CAMK1D: variants seen among roughly 807,000 people sequenced by gnomAD.
CAMK1D encodes calcium/calmodulin dependent protein kinase ID, also known as calcium/calmodulin-dependent protein kinase type 1D.
Under a neutral mutation model 47.7 loss-of-function variants are expected in CAMK1D, and 9 were observed. The observed-to-expected ratio is 0.19, with a 90% CI of 0.11 to 0.33. CAMK1D has a LOEUF of 0.33. Among genes scored for constraint, CAMK1D ranks in the 10% least tolerant of loss-of-function variants. The pLI is 1.00. For missense variants in CAMK1D, 291 were observed against 488.7 expected (o/e 0.60, Z 3.81); for synonymous variants, 184 against 184.9 (o/e 0.99, Z 0.04).
chr10:12,648,949 C>A (rs559423696), intron 2 of CAMK1D, among the ~76,000 whole-genome samples: 1 of 152,288 alleles, frequency 6.6e-6, no homozygotes, highest in East Asian at 1.9e-4. Flanking sequence ...GCAGTCATAA[C>A]CTTGACCTCC....
At chr10:12,523,530 G>C (rs1835512010) in intron 1 of CAMK1D, among the ~76,000 whole-genome samples, 1 of 151,914 alleles carries the variant, frequency 6.6e-6, no homozygotes, top group South Asian at 2.1e-4. Context: ...ATCACTCGCA[G>C]TTAGGAGCTG....
At chr10:12,472,857 G>A (rs1833789294) in intron 1 of CAMK1D, among the ~76,000 whole-genome samples, 1 of 152,128 alleles carries the variant, frequency 6.6e-6, no homozygotes, top group Admixed American at 6.6e-5. Context: ...TTTTCTATAT[G>A]CAGGGCCCTT....
At chr10:12,694,116 TTATGCATAA>T (rs1833089266) in intron 3 of CAMK1D, among the ~76,000 whole-genome samples, 3 of 28,210 alleles carry the variant, frequency 1.1e-4, no homozygotes, top group Non-Finnish European at 1.9e-4. Flanking sequence ...ATAATATATA[TTATGCATAA>T]TATATATTAT....
rs186441902 is a variant in CAMK1D, at chr10:12,380,736, G to A, written c.92+30826G>A. ...CCAGGCATGGGGTCACGTGCCTGTA[G>A]TCCCAGCTACTCATCAGGCTGAGGC... On this transcript the variant is annotated intron_variant, in intron 1 of 10. Transcript: ENST00000619168. Among the ~76,000 whole-genome samples, 24 of 152,214 alleles carry A rather than the reference G, an allele frequency of 1.6e-4. 1 individual carries two copies. Among genetic ancestry groups the A allele is most frequent in the East Asian group, 1.4e-3 (7 of 5,178 alleles).
chr10:12,602,103 C>T (rs777694877), intron 2 of CAMK1D, among the ~76,000 whole-genome samples: 7 of 152,300 alleles, frequency 4.6e-5, no homozygotes, highest in Admixed American at 6.5e-5. Context: ...TCATACTCCC[C>T]GAAGAACTAT....
intron 1 of CAMK1D, among the ~76,000 whole-genome samples, chr10:12,471,909 C>T (rs984177352): frequency 1.3e-5 from 2 of 151,798 alleles, no homozygotes; most frequent in African/African-American, 4.8e-5. Flanking sequence ...GTGGTGCGTA[C>T]CTGTTGTCCC....
At chr10:12,763,965 C>G (rs1456969498) in intron 4 of CAMK1D, among the ~76,000 whole-genome samples, 1 of 152,204 alleles carries the variant, frequency 6.6e-6, no homozygotes, top group African/African-American at 2.4e-5. Flanking sequence ...CCCCACAGCC[C>G]TCCTGTTGGG....
At chr10:12,702,042 G>C (rs1833539202) in intron 3 of CAMK1D, among the ~76,000 whole-genome samples, 1 of 152,218 alleles carries the variant, frequency 6.6e-6, no homozygotes, top group African/African-American at 2.4e-5. Flanking sequence ...ACATTCCTTG[G>C]CCAGAGCTCA....
intron 2 of CAMK1D, among the ~76,000 whole-genome samples, chr10:12,607,896 G>A (rs1447674687): frequency 6.6e-6 from 1 of 152,170 alleles, no homozygotes; most frequent in East Asian, 1.9e-4. Flanking sequence ...GGGAGGGGGA[G>A]GCTGCAGTGA....
At chr10:12,596,811 C>T (rs542526381) in intron 2 of CAMK1D, among the ~76,000 whole-genome samples, 1 of 152,112 alleles carries the variant, frequency 6.6e-6, no homozygotes, top group African/African-American at 2.4e-5. Context: ...CCTCCAGTCC[C>T]CCTTTCCCAC....
In CAMK1D at chr10:12,819,834, G is replaced by A. The variant is rs78550010; in HGVS notation, c.833+3506G>A. Among the ~76,000 whole-genome samples, 86 of 152,274 alleles carry A rather than the reference G, an allele frequency of 5.6e-4. No homozygotes were observed. The East Asian group carries it at 6.0e-3, about 11-fold the overall frequency. On this transcript the variant is annotated intron_variant, in intron 8 of 10. Transcript: ENST00000619168. Reference sequence around the variant, plus strand: ...AGAGGAGGGTGACAGTGGCCTGCGCGGGGCAGCGTGGCAGGGATGGAGTGG... The same window carrying A: ...AGAGGAGGGTGACAGTGGCCTGCGCAGGGCAGCGTGGCAGGGATGGAGTGG...
In CAMK1D at chr10:12,691,774, A is replaced by G. The variant is rs542199590; in HGVS notation, c.299+24964A>G. Among the ~76,000 whole-genome samples, 66 of 152,182 alleles carry G rather than the reference A, an allele frequency of 4.3e-4. 1 individual carries two copies. Among genetic ancestry groups the G allele is most frequent in the African/African-American group, 1.6e-3 (66 of 41,510 alleles). ...TCCTCTATATTTTAATATGCAGTAT[A>G]TGTGGTGCATCCCCTCTGTGAATAA... On this transcript the variant is annotated intron_variant, in intron 3 of 10. Transcript: ENST00000619168.
At chr10:12,404,003 G>A (rs1839323055) in intron 1 of CAMK1D, among the ~76,000 whole-genome samples, 4 of 150,140 alleles carry the variant, frequency 2.7e-5, no homozygotes, top group Admixed American at 2.0e-4. Context: ...AAAGAAAAAA[G>A]ATAAAAGAGA....
At chr10:12,608,157 G>A (rs1429020858) in intron 2 of CAMK1D, among the ~76,000 whole-genome samples, 2 of 151,520 alleles carry the variant, frequency 1.3e-5, no homozygotes, top group African/African-American at 2.4e-5. Flanking sequence ...GGTGGCTCGC[G>A]CCTGTAATCC....
intron 1 of CAMK1D, among the ~76,000 whole-genome samples, chr10:12,374,520 C>T (rs145545703): frequency 7.9e-5 from 12 of 152,340 alleles, no homozygotes; most frequent in African/African-American, 2.2e-4. Context: ...AGGGCCAACT[C>T]AAATCTGATC....
chr10:12,818,200 G>C (rs1443679862), intron 8 of CAMK1D, among the ~76,000 whole-genome samples: 2 of 152,162 alleles, frequency 1.3e-5, no homozygotes, highest in African/African-American at 4.8e-5. Flanking sequence ...GCCTTCTAAA[G>C]GGGACCTGCT....
chr10:12,367,128 A>C (rs1329934207), intron 1 of CAMK1D, among the ~76,000 whole-genome samples: 1 of 152,160 alleles, frequency 6.6e-6, no homozygotes, highest in Non-Finnish European at 1.5e-5. Flanking sequence ...GAAAAAGGGG[A>C]TAAAAAATAT....
At chr10:12,486,727 G>A (rs1006756088) in intron 1 of CAMK1D, among the ~76,000 whole-genome samples, 2 of 152,208 alleles carry the variant, frequency 1.3e-5, no homozygotes, top group African/African-American at 2.4e-5. Context: ...TAATCTTTGT[G>A]TTACAGGCAG....
intron 2 of CAMK1D, among the ~76,000 whole-genome samples, chr10:12,571,453 C>CAAA (rs766454210): frequency 2.3e-4 from 21 of 89,592 alleles, no homozygotes; most frequent in African/African-American, 4.0e-4. Flanking sequence ...GACTCCATCA[C>CAAA]AAAAAAAAAA....
Sources: allele counts gnomAD v4.1 joint callset (sites outside exome capture counted in the v4.1 genomes callset), GRCh38; gene constraint gnomAD v4.1.1; transcripts MANE v1.5; gene names NCBI Gene and HGNC (gene_info 2026-07-23, HGNC 2026-07-21).